Variants in ZFHX3 observed in about 807,000 individuals in gnomAD.
The protein encoded by ZFHX3 is zinc finger homeobox protein 3.
A neutral mutation model predicts 279.1 loss-of-function variants in ZFHX3; 42 were observed. The ratio of observed to expected loss-of-function variants is 0.15; its 90% CI spans 0.12 to 0.19. The LOEUF is 0.19. Among genes scored for constraint, ZFHX3 ranks in the 10% least tolerant of loss-of-function variants. The pLI is 1.00. For missense variants in ZFHX3, 4,981 were observed against 4,754.0 expected, an observed-to-expected ratio of 1.05 and a Z score of -1.40; for synonymous variants, 2,293 against 1,957.8, an observed-to-expected ratio of 1.17 and a Z score of -4.52.
intron 2 of ZFHX3, among the ~76,000 whole-genome samples, chr16:73,642,161 G>T (rs56805019): frequency 0.047 from 7,224 of 152,272 alleles, 568 homozygotes; most frequent in African/African-American, 0.17. Flanking sequence ...CGTGAAAGCA[G>T]CTCTGATTCC....
At chr16:73,762,128 A>G (rs557074577) in intron 1 of ZFHX3, among the ~76,000 whole-genome samples, 1 of 151,556 alleles carries the variant, frequency 6.6e-6, no homozygotes, top group East Asian at 1.9e-4. Context: ...ACTTAAACAA[A>G]TTTACAAGAA....
intron 1 of ZFHX3, among the ~76,000 whole-genome samples, chr16:72,983,064 CT>C (rs1230777292): frequency 1.3e-5 from 2 of 152,120 alleles, no homozygotes; most frequent in Non-Finnish European, 2.9e-5. Flanking sequence ...AAACCGGCTT[CT>C]TCCCCGTCAG....
chr16:73,059,426 T>C (rs1004153177), exon 1 of ZFHX3: 8 of 150,516 alleles, frequency 5.3e-5, no homozygotes, highest in African/African-American at 2.0e-4. Context: ...GTGGAATGCA[T>C]AGGAGCAACA....
At chr16:73,644,593 G>A (rs144934592) in intron 2 of ZFHX3, among the ~76,000 whole-genome samples, 1,530 of 152,266 alleles carry the variant, frequency 0.01, 35 homozygotes, top group African/African-American at 0.035. Flanking sequence ...CCCAGGAGAT[G>A]GAGGATGCAG....
At chr16:73,013,845 C>G (rs901121248) in intron 1 of ZFHX3, among the ~76,000 whole-genome samples, 30 of 152,272 alleles carry the variant, frequency 2.0e-4, no homozygotes, top group African/African-American at 7.2e-4. Context: ...TCTTTGCCAA[C>G]TGCACCAATT....
At chr16:73,248,482 ATATGTGTC>A (rs965333806) in intron 5 of ZFHX3, among the ~76,000 whole-genome samples, 13 of 151,008 alleles carry the variant, frequency 8.6e-5, no homozygotes, top group African/African-American at 2.4e-4. Context: ...TATAATATGT[ATATGTGTC>A]TATGTGTCTA....
intron 4 of ZFHX3, among the ~76,000 whole-genome samples, chr16:73,276,862 T>C (rs1285720864): frequency 2.0e-5 from 3 of 152,226 alleles, no homozygotes; most frequent in Admixed American, 6.5e-5. Flanking sequence ...CATTCCATCA[T>C]ATGGGCTAAG....
chr16:73,325,928 A>AAC (rs140609871), intron 3 of ZFHX3, among the ~76,000 whole-genome samples: 4,101 of 145,522 alleles, frequency 0.028, 126 homozygotes, highest in African/African-American at 0.065. Flanking sequence ...CACACACACA[A>AAC]ACACACACAC....
At chr16:73,092,595 T>G (rs1966097530) in intron 8 of ZFHX3, 1 of 239,038 alleles carries the variant, frequency 4.2e-6, no homozygotes, top group African/African-American at 2.3e-5. Flanking sequence ...ACTGTTCCAG[T>G]ACGTTCCATC....
chr16:73,090,968 T>C (rs1423086232), intron 8 of ZFHX3, among the ~76,000 whole-genome samples: 2 of 145,724 alleles, frequency 1.4e-5, no homozygotes, highest in Non-Finnish European at 3.0e-5. Context: ...TCCCAGCACT[T>C]TGGGAGGCTG....
chr16:72,958,638 A>G lies in ZFHX3; in HGVS notation c.1508T>C (p.Leu503Pro), dbSNP rs780946069. 25 of 1,613,862 alleles carry G rather than the reference A, an allele frequency of 1.5e-5. No homozygotes were observed. The Admixed American group carries it at 2.0e-4, about 13-fold the overall frequency. The change falls in exon 2 of 10, where the codon CTG becomes CCG. Residue 503 changes from leucine to proline, a missense_variant. Leu to Pro is a moderately conservative substitution (Grantham distance 98). Coordinates refer to ENST00000268489, the MANE Select transcript of ZFHX3 (RefSeq NM_006885.4). The part of the protein sequence containing the change: ...GLFPSELDEE[L>P]EDRPHEEPGA... ...AGGCTCCTCATGGGGCCTGTCCTCC[A>G]GTTCCTCATCCAACTCGCTTGGAAA...
rs114386789 is a variant in ZFHX3, at chr16:73,505,237, C to T, written c.-1546-48979G>A. ...TATAAATATATATGTATATCCTCCC[C>T]GCTCTGCTGTCTAAATGCAGAACGT... On this transcript the variant is annotated intron_variant, in intron 2 of 17. Coordinates refer to the ZFHX3 transcript ENST00000641206. 9.4e-3 allele frequency among the ~76,000 whole-genome samples: 1,438 copies of T among 152,252 alleles called. 24 individuals carry two copies. The highest frequency in any genetic ancestry group is 0.031 in the African/African-American group (1,294 of 41,542).
chr16:73,324,744 TC>T (rs1206576711), intron 3 of ZFHX3, among the ~76,000 whole-genome samples: 1 of 152,162 alleles, frequency 6.6e-6, no homozygotes, highest in Non-Finnish European at 1.5e-5. Flanking sequence ...TGATTTCAGG[TC>T]CTCTGGCAGG....
intron 1 of ZFHX3, among the ~76,000 whole-genome samples, chr16:73,702,489 C>T (rs1415795013): frequency 4.6e-5 from 7 of 152,078 alleles, no homozygotes; most frequent in Admixed American, 2.0e-4. Flanking sequence ...GTTTGTGGAA[C>T]CTTCCTCGAA....
At chr16:73,654,921 A>G (rs1364973697) in intron 2 of ZFHX3, among the ~76,000 whole-genome samples, 1 of 127,402 alleles carries the variant, frequency 7.8e-6, no homozygotes, top group African/African-American at 3.0e-5. Context: ...AGTGCAGTGG[A>G]GTGATCTCTG....
At chr16:72,830,238 T>C (rs745922074) in intron 4 of ZFHX3, among the ~76,000 whole-genome samples, 20 of 152,234 alleles carry the variant, frequency 1.3e-4, no homozygotes, top group Non-Finnish European at 2.8e-4. Flanking sequence ...ATGCAAAACA[T>C]GGCCACCTGT....
chr16:72,882,977 G>GGTGTGTGTGTGTGTGTGTGTGTGTGT (rs56328056), intron 4 of ZFHX3, among the ~76,000 whole-genome samples: 2 of 65,390 alleles, frequency 3.1e-5, no homozygotes, highest in Admixed American at 1.8e-4. Flanking sequence ...ACCACTCTGG[G>GGTGTGTGTGTGTGTGTGTGTGTGTGT]GTGTGTGTGT....
chr16:73,579,873 T>TATATATATATATATATATAC (rs879701579), intron 2 of ZFHX3, among the ~76,000 whole-genome samples: 1 of 145,434 alleles, frequency 6.9e-6, no homozygotes, highest in African/African-American at 2.6e-5. Flanking sequence ...TATATATATA[T>TATATATATATATATATATAC]ACATACACAC....
chr16:72,900,136 C>CACAAAAAAAAAA (rs2038996477), intron 3 of ZFHX3, among the ~76,000 whole-genome samples: 1 of 63,394 alleles, frequency 1.6e-5, no homozygotes, highest in African/African-American at 5.6e-5. Flanking sequence ...ATGCCCTTGC[C>CACAAAAAAAAAA]AAAAAAAAAA....
Sources: allele counts gnomAD v4.1 joint callset (sites outside exome capture counted in the v4.1 genomes callset), GRCh38; gene constraint gnomAD v4.1.1; transcripts MANE v1.5; gene names NCBI Gene and HGNC (gene_info 2026-07-23, HGNC 2026-07-21).